The following PPM1H variants were observed in gnomAD, a reference collection of about 807,000 sequenced individuals.
The protein encoded by PPM1H is protein phosphatase 1H.
A neutral mutation model predicts 54.9 loss-of-function variants in PPM1H; 27 were observed. The observed-to-expected ratio is 0.49, with a 90% CI of 0.36 to 0.68. PPM1H has a LOEUF of 0.68. Ranked by LOEUF, PPM1H falls within the 30% of genes least tolerant of loss-of-function variation. The pLI is 0.00. For synonymous variants in PPM1H, 305 were observed against 270.8 expected (o/e 1.13, Z -1.24); for missense variants, 596 against 667.8 (o/e 0.89, Z 1.19).
rs1372118402 is a variant in PPM1H at position 62,654,524 on chromosome 12, C to A, written c.1398-5888G>T. Reference sequence around the variant, plus strand: ...CAAATCATGCCAATGTATAAAACCCCAAGTCAAGGCCGGACAAGGCACTTG... The same window carrying A: ...CAAATCATGCCAATGTATAAAACCCAAAGTCAAGGCCGGACAAGGCACTTG... On this transcript the variant is annotated intron_variant, in intron 9 of 9. Transcript: ENST00000228705. 2.0e-5 allele frequency among the ~76,000 whole-genome samples: 3 copies of A among 152,182 alleles called. No homozygotes were observed. In the East Asian group the frequency reaches 5.8e-4, roughly 29 times the overall value.
chr12:62,671,038 C>A (rs939627683), intron 8 of PPM1H, among the ~76,000 whole-genome samples: 1 of 152,320 alleles, frequency 6.6e-6, no homozygotes. Flanking sequence ...GCAGCAAAGG[C>A]TTCAAAGGAT....
At position 62,793,419 on chromosome 12, in the gene PPM1H, C is replaced by G. The variant is rs558433649; in HGVS notation, c.757-5081G>C. Reference sequence around the variant, plus strand: ...TTTTGCTCCTTGTTGCAAGGAGAAACGGGAGCCGAGAAAGCAAACAGAGGG... The same window carrying G: ...TTTTGCTCCTTGTTGCAAGGAGAAAGGGGAGCCGAGAAAGCAAACAGAGGG... On this transcript the variant is annotated intron_variant, in intron 3 of 9. Coordinates refer to ENST00000228705, the MANE Select transcript of PPM1H (RefSeq NM_020700.2). Among the ~76,000 whole-genome samples the G allele has an allele frequency of 2.0e-5, 3 of 151,774 alleles. No individual in the cohort carries two copies. The East Asian group carries it at 5.8e-4, about 30-fold the overall frequency.
At chr12:62,869,665 C>G (rs2120998877) in intron 1 of PPM1H, among the ~76,000 whole-genome samples, 1 of 152,326 alleles carries the variant, frequency 6.6e-6, no homozygotes, top group Non-Finnish European at 1.5e-5. Context: ...CGCTCAAAGT[C>G]CTTGCAAGGA....
intron 8 of PPM1H, among the ~76,000 whole-genome samples, chr12:62,687,965 C>T (rs2076062702): frequency 1.4e-5 from 2 of 145,190 alleles, no homozygotes; most frequent in South Asian, 2.1e-4. Context: ...GCCAACATTG[C>T]ACCACTGCAC....
intron 1 of PPM1H, among the ~76,000 whole-genome samples, chr12:62,908,000 C>T (rs945072721): frequency 6.6e-6 from 1 of 152,188 alleles, no homozygotes; most frequent in African/African-American, 2.4e-5. Flanking sequence ...AAGAAATTAA[C>T]ATTCCCTTTA....
intron 2 of PPM1H, among the ~76,000 whole-genome samples, chr12:62,821,605 T>C (rs989025904): frequency 6.6e-6 from 1 of 151,972 alleles, no homozygotes; most frequent in Non-Finnish European, 1.5e-5. Context: ...CAGAAGAGAG[T>C]GGGGGCCAAT....
intron 4 of PPM1H, among the ~76,000 whole-genome samples, chr12:62,740,783 A>C (rs1473270296): frequency 6.6e-6 from 1 of 152,202 alleles, no homozygotes; most frequent in Non-Finnish European, 1.5e-5. Context: ...AAAAATGCAG[A>C]ATTTCAAGAC....
intron 5 of PPM1H, among the ~76,000 whole-genome samples, chr12:62,731,386 T>C (rs898486336): frequency 6.6e-6 from 1 of 152,170 alleles, no homozygotes; most frequent in Non-Finnish European, 1.5e-5. Flanking sequence ...TTAGGTGGGA[T>C]GCCAAGGTGG....
chr12:62,807,485 T>C (rs564501), intron 2 of PPM1H, among the ~76,000 whole-genome samples: 14 of 151,954 alleles, frequency 9.2e-5, no homozygotes, highest in African/African-American at 2.2e-4. Flanking sequence ...GAAAGAACAA[T>C]GATTACAGGT....
At chr12:62,654,371 T>A (rs1299721375) in intron 9 of PPM1H, among the ~76,000 whole-genome samples, 2 of 151,894 alleles carry the variant, frequency 1.3e-5, no homozygotes, top group African/African-American at 4.8e-5. Context: ...ACTCAACAGA[T>A]AAGGGAAAAA....
intron 1 of PPM1H, among the ~76,000 whole-genome samples, chr12:62,899,978 T>A (rs983105077): frequency 1.3e-5 from 2 of 152,204 alleles, no homozygotes; most frequent in Admixed American, 1.3e-4. Context: ...CTTTCAGCCA[T>A]GTAGGACACA....
At chr12:62,744,543 A>G (rs2076399842) in intron 4 of PPM1H, among the ~76,000 whole-genome samples, 1 of 152,192 alleles carries the variant, frequency 6.6e-6, no homozygotes, top group African/African-American at 2.4e-5. Context: ...AAGTGAGAAA[A>G]GTAAACTGCA....
At chr12:62,708,857 C>A (rs1198965691) in intron 6 of PPM1H, among the ~76,000 whole-genome samples, 1 of 152,126 alleles carries the variant, frequency 6.6e-6, no homozygotes, top group African/African-American at 2.4e-5. Flanking sequence ...GGTAGTTTTT[C>A]AGCTCACACC....
chr12:62,747,961 T>C (rs754940818), intron 4 of PPM1H, among the ~76,000 whole-genome samples: 1 of 151,990 alleles, frequency 6.6e-6, no homozygotes, highest in Non-Finnish European at 1.5e-5. Flanking sequence ...AGCTAAAAAA[T>C]AAAGGTAGCA....
intron 4 of PPM1H, among the ~76,000 whole-genome samples, chr12:62,764,064 G>A (rs2076527204): frequency 6.6e-6 from 1 of 152,106 alleles, no homozygotes; most frequent in African/African-American, 2.4e-5. Flanking sequence ...CATGCCGTGG[G>A]GACCATCCTG....
intron 1 of PPM1H, among the ~76,000 whole-genome samples, chr12:62,905,701 A>T (rs1871284628): frequency 6.6e-6 from 1 of 152,206 alleles, no homozygotes; most frequent in African/African-American, 2.4e-5. Context: ...GCTTTAACAT[A>T]CTTAAAAACC....
intron 4 of PPM1H, among the ~76,000 whole-genome samples, chr12:62,768,827 G>A (rs2076561115): frequency 6.6e-6 from 1 of 152,070 alleles, no homozygotes; most frequent in Non-Finnish European, 1.5e-5. Context: ...AACACTGGTG[G>A]AAGAAATCAG....
At chr12:62,651,356 T>C (rs1404104506) in intron 9 of PPM1H, among the ~76,000 whole-genome samples, 1 of 152,202 alleles carries the variant, frequency 6.6e-6, no homozygotes, top group African/African-American at 2.4e-5. Context: ...TTTATGGCTA[T>C]TTTAAGCTCC....
intron 9 of PPM1H, among the ~76,000 whole-genome samples, chr12:62,663,570 G>C (rs201985117): frequency 1.3e-5 from 2 of 152,020 alleles, no homozygotes; most frequent in Admixed American, 6.6e-5. Flanking sequence ...ACCACTCCAG[G>C]GTACAGACCT....
Sources: allele counts gnomAD v4.1 joint callset (sites outside exome capture counted in the v4.1 genomes callset), GRCh38; gene constraint gnomAD v4.1.1; transcripts MANE v1.5; gene names NCBI Gene and HGNC (gene_info 2026-07-23, HGNC 2026-07-21).